ACSBG1: variants seen among roughly 807,000 people sequenced by gnomAD.
ACSBG1 encodes the protein acyl-CoA synthetase bubblegum family member 1.
Under a neutral mutation model 80.2 loss-of-function variants are expected in ACSBG1, and 39 were observed. That is an observed-to-expected ratio of 0.49 (90% confidence interval 0.38 to 0.64). The LOEUF (loss-of-function observed/expected upper bound fraction) is 0.64, where lower values mean the gene tolerates loss of function less well. Among genes scored for constraint, ACSBG1 ranks in the 30% least tolerant of loss-of-function variants. The pLI is 0.00. For missense variants in ACSBG1, 828 were observed against 966.4 expected, an observed-to-expected ratio of 0.86 and a Z score of 1.90; for synonymous variants, 392 against 379.5, an observed-to-expected ratio of 1.03 and a Z score of -0.38.
At position 78,212,485 on chromosome 15, in the gene ACSBG1, T is replaced by C; in HGVS notation, c.132-4383A>G. 8.9e-6 allele frequency: 4 copies of C among 448,576 alleles called. 1 individual carries two copies. The highest frequency in any genetic ancestry group is 4.7e-5 in the South Asian group (3 of 64,068). 27.8% of individuals were successfully genotyped at this position (448,576 alleles called of 1,614,324 possible). The stretch of plus-strand genomic sequence containing the variant: ...CTGGGGGTCCAGGTTGCGTGCCAAC[T>C]ACTTTCCCTGGGAGACTGGCTGCGG... On this transcript the variant is annotated intron_variant, in intron 1 of 13. Transcript: ENST00000258873.
In ACSBG1 at chr15:78,178,603, G is replaced by A. The variant is rs1481005626; in HGVS notation, c.1702+11C>T. 5 of 1,600,808 alleles carry A rather than the reference G, an allele frequency of 3.1e-6. No homozygotes were observed. Among genetic ancestry groups the A allele is most frequent in the Non-Finnish European group, 4.3e-6 (5 of 1,173,762 alleles). On this transcript the variant is annotated intron_variant, in intron 11 of 13. Coordinates refer to ENST00000258873, the MANE Select transcript of ACSBG1 (RefSeq NM_015162.5). The surrounding 1 kb of genome is among the most constrained non-coding windows in gnomAD (Gnocchi z 4.3). ...AGGCATGAGCCACCGTGCCTGGCCTGGGGTGCTCACCTTTGAGGCGCCCAG... is the reference window on the plus strand; with the variant it reads ...AGGCATGAGCCACCGTGCCTGGCCTAGGGTGCTCACCTTTGAGGCGCCCAG...
chr15:78,193,377 G>T, intron 5 of ACSBG1, 129 bp downstream of exon 5: 1 of 1,347,522 alleles, frequency 7.4e-7, no homozygotes, highest in Non-Finnish European at 1.0e-6. Flanking sequence ...TGCTGTGTAT[G>T]CATTAGAGGG....
intron 10 of ACSBG1, among the ~76,000 whole-genome samples, chr15:78,179,195 C>G (rs1029275787): frequency 2.6e-5 from 4 of 152,070 alleles, no homozygotes; most frequent in African/African-American, 9.7e-5. Context: ...CCCCAGCTGG[C>G]CCCTGGGCCA....
intron 2 of ACSBG1, among the ~76,000 whole-genome samples, chr15:78,197,827 C>T (rs1055081387): frequency 6.6e-6 from 1 of 151,712 alleles, no homozygotes; most frequent in African/African-American, 2.4e-5. Flanking sequence ...ATCCAGTTGC[C>T]TCTCAGTGGT....
intron 1 of ACSBG1, among the ~76,000 whole-genome samples, chr15:78,210,157 T>C (rs2141370269): frequency 6.6e-6 from 1 of 152,320 alleles, no homozygotes; most frequent in South Asian, 2.1e-4. Flanking sequence ...AATTTCTTGT[T>C]GCTCAGACAC....
At chr15:78,227,967 A>G (rs1333649275) in intron 1 of ACSBG1, among the ~76,000 whole-genome samples, 2 of 152,236 alleles carry the variant, frequency 1.3e-5, no homozygotes, top group African/African-American at 2.4e-5. Flanking sequence ...TACTTATGGG[A>G]AAGTGAGGGT....
In ACSBG1 at chr15:78,173,666, C is replaced by T. The variant is rs762665866; in HGVS notation, c.2016G>A (p.Ala672=). 1.1e-5 allele frequency: 18 copies of T among 1,614,094 alleles called. No individual in the cohort carries two copies. The highest frequency in any genetic ancestry group is 6.7e-5 in the East Asian group (3 of 44,894). ...TCTGGATGTGGTAGGGCCGGGCCGCCGCGTTCATGTTGACCCTCCGGATCC... is the reference window on the plus strand; with the variant it reads ...TCTGGATGTGGTAGGGCCGGGCCGCTGCGTTCATGTTGACCCTCCGGATCC... ...EEGIRRVNMN[A]AARPYHIQKW... Residue 672 remains alanine, a synonymous_variant, in exon 13 of 14, where the codon GCG becomes GCA. Coordinates refer to ENST00000258873, the MANE Select transcript of ACSBG1 (RefSeq NM_015162.5).
chr15:78,196,127 CTGTA>C (rs1228196065), intron 2 of ACSBG1, among the ~76,000 whole-genome samples: 1 of 152,184 alleles, frequency 6.6e-6, no homozygotes, highest in African/African-American at 2.4e-5. Flanking sequence ...CTTGGCACCT[CTGTA>C]TGGCAGAGGT....
In ACSBG1 at chr15:78,178,305, G is replaced by T. The variant is rs2074903674; in HGVS notation, c.1702+309C>A. Among the ~76,000 whole-genome samples, 1 of 152,006 alleles carries T rather than the reference G, an allele frequency of 6.6e-6. No homozygotes were observed. The highest frequency in any genetic ancestry group is 1.5e-5 in the Non-Finnish European group (1 of 67,982). On this transcript the variant is annotated intron_variant, in intron 11 of 13. Coordinates refer to ENST00000258873, the MANE Select transcript of ACSBG1 (RefSeq NM_015162.5). The surrounding 1 kb of genome is among the most constrained non-coding windows in gnomAD (Gnocchi z 4.3). ...TGCCTTTTTTTGTTTGTTTGTTTTGGTTTTGTTTTTGGAGACAGAGTCTAG... is the reference window on the plus strand; with the variant it reads ...TGCCTTTTTTTGTTTGTTTGTTTTGTTTTTGTTTTTGGAGACAGAGTCTAG...
At chr15:78,207,881 T>C (rs2075229915) in intron 2 of ACSBG1, 121 bp downstream of exon 2, 2 of 772,384 alleles carry the variant, frequency 2.6e-6, no homozygotes, top group Admixed American at 2.1e-5. Context: ...ACCAGCAAGA[T>C]CCCCAGCTGC....
intron 2 of ACSBG1, among the ~76,000 whole-genome samples, chr15:78,197,324 G>A (rs2075123421): frequency 6.6e-6 from 1 of 152,122 alleles, no homozygotes; most frequent in African/African-American, 2.4e-5. Flanking sequence ...TTGTGGGGAT[G>A]TTTTGCAACT....
chr15:78,189,478 A>G (rs1411068952), intron 5 of ACSBG1, among the ~76,000 whole-genome samples: 5 of 152,056 alleles, frequency 3.3e-5, no homozygotes, highest in African/African-American at 9.7e-5. Flanking sequence ...ACACCATGGA[A>G]TACTATGCAG....
At position 78,169,260 on chromosome 15, in the gene ACSBG1, G is replaced by A. The variant is rs1250555589; in HGVS notation, c.*2184C>T. ...TAAATGTTTTTTTTGTAAACTCTGA[G>A]TGGACTGTATCATTTGCTATTCTAA... On this transcript the variant is annotated 3_prime_UTR_variant, in exon 14 of 14. Transcript: ENST00000258873. 1 of 301,372 alleles carries A rather than the reference G, an allele frequency of 3.3e-6. No homozygotes were observed. Among genetic ancestry groups the A allele is most frequent in the African/African-American group, 2.2e-5 (1 of 46,412 alleles). 18.7% of individuals were successfully genotyped at this position (301,372 alleles called of 1,614,324 possible).
intron 1 of ACSBG1, among the ~76,000 whole-genome samples, chr15:78,229,744 C>T (rs1327211242): frequency 6.6e-6 from 1 of 152,158 alleles, no homozygotes; most frequent in East Asian, 1.9e-4. Context: ...CCTAGTCCAG[C>T]CTGTACTCAC....
chr15:78,193,682 T>TAC, intron 4 of ACSBG1, 56 bp from the exon 5 acceptor site: 1 of 1,560,274 alleles, frequency 6.4e-7, no homozygotes, highest in African/African-American at 1.4e-5. Context: ...GCCACCCCCT[T>TAC]CCCCCACCCC....
intron 5 of ACSBG1, among the ~76,000 whole-genome samples, chr15:78,186,053 C>A (rs1363375783): frequency 2.0e-5 from 3 of 152,148 alleles, no homozygotes; most frequent in African/African-American, 7.2e-5. Context: ...TCAGGACTTG[C>A]TTTATGAATC....
intron 4 of ACSBG1, 114 bp from the exon 5 acceptor site, chr15:78,193,740 G>A: frequency 1.4e-6 from 2 of 1,471,820 alleles, no homozygotes; most frequent in East Asian, 2.4e-5. Context: ...CCTGGCAGGA[G>A]GGGCTCCCAA....
At position 78,172,266 on chromosome 15, in the gene ACSBG1, A is replaced by AT. The variant is rs1411761681; in HGVS notation, c.2090-738dup. Among the ~76,000 whole-genome samples the AT allele has an allele frequency of 1.3e-5, 2 of 152,212 alleles. No homozygotes were observed. Among genetic ancestry groups the AT allele is most frequent in the Non-Finnish European group, 2.9e-5 (2 of 68,038 alleles). ...AATGTTTACTGCTTTAGGCTGCTAC[A>AT]TTTTTGGGGTCATTTGTTACACAGC... is the stretch of plus-strand genomic sequence containing the variant. On this transcript the variant is annotated intron_variant, in intron 13 of 13. Coordinates refer to ENST00000258873, the MANE Select transcript of ACSBG1 (RefSeq NM_015162.5). The surrounding 1 kb of genome is among the most constrained non-coding windows in gnomAD (Gnocchi z 4.1).
intron 2 of ACSBG1, among the ~76,000 whole-genome samples, chr15:78,197,066 A>G (rs2075121071): frequency 6.6e-6 from 1 of 151,994 alleles, no homozygotes; most frequent in Non-Finnish European, 1.5e-5. Flanking sequence ...CCAGCCTCAG[A>G]AAAAAAATTA....
Sources: gnomAD v4.1 joint callset for allele counts (sites outside exome capture counted in the v4.1 genomes callset) on GRCh38, gnomAD v4.1.1 for gene constraint, Gnocchi (gnomAD v3.1) non-coding constraint, MANE v1.5 for transcripts, NCBI Gene and HGNC (gene_info 2026-07-23, HGNC 2026-07-21) for gene names.